RBFOX1: variants seen among roughly 807,000 people sequenced by gnomAD.
RBFOX1 encodes the protein RNA binding protein fox-1 homolog 1.
RBFOX1 carries 8 observed loss-of-function variants against 57.7 expected under a neutral mutation model. That is an observed-to-expected ratio of 0.14 (90% confidence interval 0.08 to 0.25). The LOEUF is 0.25. RBFOX1 is among the 10% of genes least tolerant of loss of function. The pLI is 1.00. For missense variants in RBFOX1, 611 were observed against 548.5 expected, an observed-to-expected ratio of 1.11 and a Z score of -1.14; for synonymous variants, 326 against 222.4, an observed-to-expected ratio of 1.47 and a Z score of -4.15.
At chr16:6,920,887 T>A (rs939276807) in intron 3 of RBFOX1, among the ~76,000 whole-genome samples, 9 of 152,226 alleles carry the variant, frequency 5.9e-5, no homozygotes, top group African/African-American at 2.2e-4. Flanking sequence ...AGGGTCACAT[T>A]CACTGATATC....
At chr16:6,060,791 G>T (rs1261387332) in intron 1 of RBFOX1, among the ~76,000 whole-genome samples, 1 of 152,186 alleles carries the variant, frequency 6.6e-6, no homozygotes, top group Non-Finnish European at 1.5e-5. Context: ...TACCCCAGAA[G>T]AACTGAAACC....
intron 2 of RBFOX1, among the ~76,000 whole-genome samples, chr16:5,561,486 C>G (rs994175487): frequency 6.6e-6 from 1 of 151,984 alleles, no homozygotes; most frequent in African/African-American, 2.4e-5. Flanking sequence ...GGAAGCAGGT[C>G]TGTTTAACAG....
intron 3 of RBFOX1, among the ~76,000 whole-genome samples, chr16:6,855,495 C>G (rs2057677590): frequency 6.6e-6 from 1 of 151,750 alleles, no homozygotes; most frequent in Admixed American, 6.6e-5. Context: ...ACTAAAAATA[C>G]AGAAAAAATT....
intron 1 of RBFOX1, among the ~76,000 whole-genome samples, chr16:5,262,400 C>G (rs2062757174): frequency 6.6e-6 from 1 of 152,148 alleles, no homozygotes; most frequent in Non-Finnish European, 1.5e-5. Flanking sequence ...CACTGAAGAC[C>G]TGAACAAAAC....
intron 2 of RBFOX1, among the ~76,000 whole-genome samples, chr16:6,509,868 G>A (rs552388171): frequency 7.2e-5 from 11 of 152,260 alleles, no homozygotes; most frequent in African/African-American, 2.2e-4. Context: ...AGAAAAAACT[G>A]TAGGAGAAGT....
At chr16:7,526,485 G>T (rs892515968) in intron 5 of RBFOX1, among the ~76,000 whole-genome samples, 1 of 152,092 alleles carries the variant, frequency 6.6e-6, no homozygotes, top group African/African-American at 2.4e-5. Context: ...CCCTTCCTCA[G>T]CTGTGACCCT....
intron 4 of RBFOX1, among the ~76,000 whole-genome samples, chr16:7,217,856 G>T (rs529580109): frequency 6.6e-6 from 1 of 152,134 alleles, no homozygotes; most frequent in South Asian, 2.1e-4. Flanking sequence ...ATGTGTGTGG[G>T]CATGTGTGTA....
intron 3 of RBFOX1, among the ~76,000 whole-genome samples, chr16:5,662,116 T>G (rs2049672754): frequency 6.6e-6 from 1 of 152,178 alleles, no homozygotes; most frequent in Non-Finnish European, 1.5e-5. Context: ...ACTGAAAGTT[T>G]GGACCCTTTG....
chr16:6,667,978 C>G (rs994395761), intron 3 of RBFOX1, among the ~76,000 whole-genome samples: 5 of 152,088 alleles, frequency 3.3e-5, no homozygotes, highest in African/African-American at 9.7e-5. Context: ...AAATCTTTGA[C>G]TCTGTTTCTT....
At chr16:7,138,576 C>T (rs920672464) in intron 4 of RBFOX1, among the ~76,000 whole-genome samples, 1 of 152,148 alleles carries the variant, frequency 6.6e-6, no homozygotes, top group African/African-American at 2.4e-5. Flanking sequence ...ATCCTCATCC[C>T]CACTTTTCCT....
At chr16:7,531,965 GC>G (rs1228218454) in intron 5 of RBFOX1, among the ~76,000 whole-genome samples, 1 of 152,032 alleles carries the variant, frequency 6.6e-6, no homozygotes. Flanking sequence ...ATACCATTTG[GC>G]AAGCTCACAA....
chr16:6,877,696 A>G (rs187944789), intron 3 of RBFOX1, among the ~76,000 whole-genome samples: 49 of 152,310 alleles, frequency 3.2e-4, no homozygotes, highest in African/African-American at 1.1e-3. Context: ...CTCTGTGTAT[A>G]GTGAGAAAAT....
chr16:7,550,176 C>T (rs960250126), intron 5 of RBFOX1, among the ~76,000 whole-genome samples: 1 of 152,136 alleles, frequency 6.6e-6, no homozygotes, highest in African/African-American at 2.4e-5. Flanking sequence ...GGCAATTCTC[C>T]CTCCTCGGCC....
At chr16:6,284,232 C>G (rs778094663) in intron 1 of RBFOX1, among the ~76,000 whole-genome samples, 38 of 152,114 alleles carry the variant, frequency 2.5e-4, no homozygotes, top group Middle Eastern at 3.2e-3. Flanking sequence ...TTTGGCTTTG[C>G]TATTGGTACT....
At chr16:5,587,368 A>C (rs1402442685) in intron 2 of RBFOX1, among the ~76,000 whole-genome samples, 2 of 152,226 alleles carry the variant, frequency 1.3e-5, no homozygotes, top group Non-Finnish European at 2.9e-5. Flanking sequence ...TGCAAGTCAA[A>C]ACTGCAGGGA....
intron 13 of RBFOX1, among the ~76,000 whole-genome samples, chr16:7,672,590 T>G (rs557565734): frequency 6.6e-6 from 1 of 151,996 alleles, no homozygotes; most frequent in African/African-American, 2.4e-5. Context: ...TGGCCAGGTG[T>G]GGTGGCTCAC....
chr16:7,336,645 T>C (rs1450385529), intron 4 of RBFOX1, among the ~76,000 whole-genome samples: 1 of 152,236 alleles, frequency 6.6e-6, no homozygotes, highest in Admixed American at 6.5e-5. Context: ...GAGGAAATGA[T>C]AGGTAATGAT....
chr16:6,367,591 A>G (rs1036984438), intron 2 of RBFOX1, among the ~76,000 whole-genome samples: 2 of 152,142 alleles, frequency 1.3e-5, no homozygotes, highest in Non-Finnish European at 2.9e-5. Flanking sequence ...TTTCTTATGC[A>G]TTTGAAATCA....
chr16:7,200,360 G>A (rs1168072243), intron 4 of RBFOX1, among the ~76,000 whole-genome samples: 1 of 152,208 alleles, frequency 6.6e-6, no homozygotes, highest in Non-Finnish European at 1.5e-5. Flanking sequence ...AATGTGACAG[G>A]AAGCACGCAT....
Sources: allele counts gnomAD v4.1 joint callset (sites outside exome capture counted in the v4.1 genomes callset), GRCh38; gene constraint gnomAD v4.1.1; transcripts MANE v1.5; gene names NCBI Gene and HGNC (gene_info 2026-07-23, HGNC 2026-07-21).